The following SLCO3A1 variants were observed in gnomAD, a reference collection of about 807,000 sequenced individuals.
SLCO3A1 encodes PGE1 transporter.
A neutral mutation model predicts 63.1 loss-of-function variants in SLCO3A1; 27 were observed. The ratio of observed to expected loss-of-function variants is 0.43; its 90% CI spans 0.32 to 0.59. The LOEUF is 0.59. Among genes scored for constraint, SLCO3A1 ranks in the 20% least tolerant of loss-of-function variants. The pLI is 0.09. For synonymous variants in SLCO3A1, 473 were observed against 409.9 expected (o/e 1.15, Z -1.86); for missense variants, 773 against 945.8 (o/e 0.82, Z 2.40).
At chr15:92,144,610 T>C (rs2048196003) in intron 7 of SLCO3A1, among the ~76,000 whole-genome samples, 1 of 152,168 alleles carries the variant, frequency 6.6e-6, no homozygotes, top group Non-Finnish European at 1.5e-5. Context: ...AATAATCAGC[T>C]CAAAATATTC....
chr15:91,873,940 A>G (rs1363453454), intron 1 of SLCO3A1, among the ~76,000 whole-genome samples: 1 of 152,170 alleles, frequency 6.6e-6, no homozygotes, highest in African/African-American at 2.4e-5. Context: ...GGAAAATTAC[A>G]CATAAAATTT....
At chr15:91,988,130 C>G (rs187885385) in intron 2 of SLCO3A1, among the ~76,000 whole-genome samples, 1 of 152,164 alleles carries the variant, frequency 6.6e-6, no homozygotes, top group Admixed American at 6.5e-5. Flanking sequence ...GGGTTGGGTG[C>G]GGTGGTGCAC....
chr15:91,863,310 G>A lies in SLCO3A1; in HGVS notation c.180+9222G>A, dbSNP rs1303138780. Among the ~76,000 whole-genome samples, 1 of 152,220 alleles carries A rather than the reference G, an allele frequency of 6.6e-6. No individual in the cohort carries two copies. Among genetic ancestry groups the A allele is most frequent in the East Asian group, 1.9e-4 (1 of 5,200 alleles). ...AGCACCAGCTCCCCTTCTCTCCAGGGGTACAGGAGGCTTGTCCTGGGTCTG... is the reference window on the plus strand; with the variant it reads ...AGCACCAGCTCCCCTTCTCTCCAGGAGTACAGGAGGCTTGTCCTGGGTCTG... On this transcript the variant is annotated intron_variant, in intron 1 of 9. Coordinates refer to ENST00000318445, the MANE Select transcript of SLCO3A1 (RefSeq NM_013272.4). The surrounding 1 kb of genome is among the most constrained non-coding windows in gnomAD (Gnocchi z 4.3).
chr15:91,983,303 C>T (rs2046010173), intron 2 of SLCO3A1, among the ~76,000 whole-genome samples: 1 of 152,156 alleles, frequency 6.6e-6, no homozygotes, highest in Non-Finnish European at 1.5e-5. Context: ...TGGTGCATTT[C>T]TTGCATCTTT....
intron 4 of SLCO3A1, among the ~76,000 whole-genome samples, chr15:92,114,147 C>G (rs1567127392): frequency 6.6e-6 from 1 of 152,142 alleles, no homozygotes. Flanking sequence ...ACTGACTTAA[C>G]AAATAAGCTC....
At chr15:91,956,364 C>T (rs942810040) in intron 2 of SLCO3A1, among the ~76,000 whole-genome samples, 2 of 152,124 alleles carry the variant, frequency 1.3e-5, no homozygotes, top group East Asian at 3.9e-4. Flanking sequence ...TACTTTTTAC[C>T]ACTTCTGGGC....
rs899228103 is a variant in SLCO3A1 at position 91,942,388 on chromosome 15, A to G, written c.646+25930A>G. On this transcript the variant is annotated intron_variant, in intron 2 of 9. Transcript: ENST00000318445. This position sits in a 1 kb window ranked among gnomAD's most constrained non-coding sequence, Gnocchi z 4.1. Reference sequence around the variant, plus strand: ...GAGATTTTGTTTTATGTATATTCCTATAGCTGTGCAGGTAAAACATGCCAT... The same window carrying G: ...GAGATTTTGTTTTATGTATATTCCTGTAGCTGTGCAGGTAAAACATGCCAT... Among the ~76,000 whole-genome samples, 3 of 152,168 alleles carry G rather than the reference A, an allele frequency of 2.0e-5. No individual in the cohort carries two copies. Among genetic ancestry groups the G allele is most frequent in the Non-Finnish European group, 4.4e-5 (3 of 68,022 alleles).
At chr15:91,963,731 T>A (rs1900548735) in intron 2 of SLCO3A1, among the ~76,000 whole-genome samples, 1 of 152,070 alleles carries the variant, frequency 6.6e-6, no homozygotes, top group African/African-American at 2.4e-5. Flanking sequence ...GGGTTCGTGG[T>A]CTCGCTGACT....
rs1291270856 is a variant in SLCO3A1 at position 92,016,247 on chromosome 15, AGATAGAT to A, written c.647-78633_647-78627del. Among the ~76,000 whole-genome samples the A allele has an allele frequency of 1.2e-3, 65 of 55,746 alleles. No individual in the cohort carries two copies. The East Asian group carries it at 0.017, about 15-fold the overall frequency. 36.6% of individuals were successfully genotyped at this position (55,746 alleles called of 152,430 possible). A position where few individuals can be genotyped will look rare whatever the true frequency, so the allele number is the denominator to read the frequency against. On this transcript the variant is annotated intron_variant, in intron 2 of 9. Coordinates refer to ENST00000318445, the MANE Select transcript of SLCO3A1 (RefSeq NM_013272.4). ...TAGATAGATAGATAGATAGATAGAT[AGATAGAT>A]TAGATAGATAGATAGATAGATAGAT...
chr15:91,879,081 C>A (rs982303485), intron 1 of SLCO3A1, among the ~76,000 whole-genome samples: 3 of 152,192 alleles, frequency 2.0e-5, no homozygotes, highest in African/African-American at 7.2e-5. Flanking sequence ...CACACTTCTA[C>A]CCACATGCAA....
chr15:92,093,116 A>G (rs1451293568), intron 2 of SLCO3A1, among the ~76,000 whole-genome samples: 1 of 152,152 alleles, frequency 6.6e-6, no homozygotes, highest in Non-Finnish European at 1.5e-5. Context: ...CCGTGTGTAA[A>G]TGTGTGTTAG....
chr15:91,898,391 A>G (rs1235386292), intron 1 of SLCO3A1, among the ~76,000 whole-genome samples: 1 of 152,172 alleles, frequency 6.6e-6, no homozygotes. Context: ...AATTTCCCCA[A>G]ACAATGTGTC....
intron 2 of SLCO3A1, among the ~76,000 whole-genome samples, chr15:92,073,050 C>G (rs2047235454): frequency 6.6e-6 from 1 of 152,118 alleles, no homozygotes; most frequent in African/African-American, 2.4e-5. Flanking sequence ...ACCCCTTTCC[C>G]CCATCCTTTG....
In SLCO3A1 at chr15:91,930,951, A is replaced by G. The variant is rs150863574; in HGVS notation, c.646+14493A>G. ...CTACTGTGTTTTCCTGCTTCACAGCAAAGTGTACCAGCGAGTGTCATGCAA... is the reference window on the plus strand; with the variant it reads ...CTACTGTGTTTTCCTGCTTCACAGCGAAGTGTACCAGCGAGTGTCATGCAA... On this transcript the variant is annotated intron_variant, in intron 2 of 9. Transcript: ENST00000318445. 6.9e-3 allele frequency among the ~76,000 whole-genome samples: 1,048 copies of G among 152,366 alleles called. 18 individuals carry two copies. Among genetic ancestry groups the G allele is most frequent in the African/African-American group, 0.024 (1,006 of 41,580 alleles).
At position 91,894,852 on chromosome 15, in the gene SLCO3A1, G is replaced by A. The variant is rs578163416; in HGVS notation, c.181-21141G>A. Reference sequence around the variant, plus strand: ...AGAGGCACAGAACAGTGAAACCCCCGGAGGGACAGGGAGTGCGTAGAAGCA... The same window carrying A: ...AGAGGCACAGAACAGTGAAACCCCCAGAGGGACAGGGAGTGCGTAGAAGCA... On this transcript the variant is annotated intron_variant, in intron 1 of 9. Coordinates refer to ENST00000318445, the MANE Select transcript of SLCO3A1 (RefSeq NM_013272.4). This position sits in a 1 kb window ranked among gnomAD's most constrained non-coding sequence, Gnocchi z 4.8. 2.0e-5 allele frequency among the ~76,000 whole-genome samples: 3 copies of A among 152,316 alleles called. No individual in the cohort carries two copies. Among genetic ancestry groups the A allele is most frequent in the South Asian group, 2.1e-4 (1 of 4,830 alleles).
chr15:92,039,497 C>T (rs746525195), intron 2 of SLCO3A1, among the ~76,000 whole-genome samples: 3 of 152,168 alleles, frequency 2.0e-5, no homozygotes, highest in Admixed American at 6.5e-5. Context: ...ATTAGAGAAA[C>T]GCAAAACAAA....
chr15:92,074,840 C>T (rs1443165200), intron 2 of SLCO3A1, among the ~76,000 whole-genome samples: 1 of 152,210 alleles, frequency 6.6e-6, no homozygotes, highest in Non-Finnish European at 1.5e-5. Context: ...CCTGCTTCCT[C>T]CCTGTGCTGA....
intron 2 of SLCO3A1, among the ~76,000 whole-genome samples, chr15:92,063,375 C>T (rs1420689394): frequency 6.6e-6 from 1 of 152,212 alleles, no homozygotes; most frequent in African/African-American, 2.4e-5. Context: ...CAGACAGGCT[C>T]AGCTGCAAAT....
chr15:92,142,218 C>G lies in SLCO3A1; in HGVS notation c.1513-4766C>G, dbSNP rs1344043436. ...GGCTTTTCTTCTTCTGTCATTAACCCTAAATCATCCCATTCCTGTCTATTC... is the reference window on the plus strand; with the variant it reads ...GGCTTTTCTTCTTCTGTCATTAACCGTAAATCATCCCATTCCTGTCTATTC... On this transcript the variant is annotated intron_variant, in intron 7 of 9. Coordinates refer to ENST00000318445, the MANE Select transcript of SLCO3A1 (RefSeq NM_013272.4). Among the ~76,000 whole-genome samples the G allele has an allele frequency of 2.0e-5, 3 of 152,206 alleles. No homozygotes were observed. The East Asian group carries it at 5.8e-4, about 29-fold the overall frequency.
Sources: gnomAD v4.1 joint callset for allele counts (sites outside exome capture counted in the v4.1 genomes callset) on GRCh38, gnomAD v4.1.1 for gene constraint, Gnocchi (gnomAD v3.1) non-coding constraint, MANE v1.5 for transcripts, NCBI Gene and HGNC (gene_info 2026-07-23, HGNC 2026-07-21) for gene names.